Variants in INPP5F observed in about 807,000 individuals in gnomAD.
The protein encoded by INPP5F is phosphatidylinositide 4-phosphatase SAC2.
A neutral mutation model predicts 137.2 loss-of-function variants in INPP5F; 97 were observed. The ratio of observed to expected loss-of-function variants is 0.71; its 90% CI spans 0.60 to 0.84. The LOEUF is 0.84. Ranked by LOEUF, INPP5F falls within the 40% of genes least tolerant of loss-of-function variation. INPP5F has a pLI of 0.00. For synonymous variants in INPP5F, 504 were observed against 476.9 expected (o/e 1.06, Z -0.74); for missense variants, 1,271 against 1,371.9 (o/e 0.93, Z 1.16).
At chr10:119,792,266 T>C in intron 6 of INPP5F, 53 bp downstream of exon 6, 2 of 1,260,144 alleles carry the variant, frequency 1.6e-6, no homozygotes, top group Admixed American at 3.6e-5. Flanking sequence ...GTCTGTTTGT[T>C]TCTAAAACGT....
rs777960121 is a variant in INPP5F, at chr10:119,827,775, AT to A, written c.3397del (p.Ter1133SerfsTer3). Reference sequence around the variant, plus strand: ...ACAATGCCAGACACGGATAATTCAGATTTAGCTTTTAGCCATAAGAATCCTT... The same window carrying A: ...ACAATGCCAGACACGGATAATTCAGATTAGCTTTTAGCCATAAGAATCCTT... The part of the protein sequence containing the change: ...FIQCQTRIIQ[I>X] On this transcript the variant is annotated frameshift_variant, in exon 20 of 20. Transcript: ENST00000650623. LOFTEE classifies it high-confidence loss of function. 3 of 1,594,946 alleles carry A rather than the reference AT, an allele frequency of 1.9e-6. No homozygotes were observed. The highest frequency in any genetic ancestry group is 2.6e-6 in the Non-Finnish European group (3 of 1,171,150).
At chr10:119,824,042 G>T (rs1851668907) in intron 19 of INPP5F, 140 bp downstream of exon 19, 2 of 599,944 alleles carry the variant, frequency 3.3e-6, no homozygotes, top group South Asian at 2.2e-5. Context: ...TCAAATTTCT[G>T]CAGATCAAAA....
chr10:119,779,079 G>T lies in INPP5F; in HGVS notation c.179-2556G>T, dbSNP rs938279227. Among the ~76,000 whole-genome samples the T allele has an allele frequency of 2.6e-5, 4 of 151,962 alleles. No individual in the cohort carries two copies. In the East Asian group the frequency reaches 7.7e-4, roughly 29 times the overall value. The stretch of plus-strand genomic sequence containing the variant: ...AGATAACTAATCTCACTGACTTCTG[G>T]TTCTCTCCTCTTCTTGTTTTTGTAC... On this transcript the variant is annotated intron_variant, in intron 2 of 19. Transcript: ENST00000650623.
intron 2 of INPP5F, among the ~76,000 whole-genome samples, chr10:119,776,757 A>AT (rs979103093): frequency 1.6e-4 from 24 of 147,056 alleles, no homozygotes; most frequent in South Asian, 8.6e-4. Flanking sequence ...TTTCTTGTTT[A>AT]TTTTTTTTTT....
chr10:119,763,258 G>A (rs1156615747), intron 2 of INPP5F, among the ~76,000 whole-genome samples: 1 of 152,212 alleles, frequency 6.6e-6, no homozygotes, highest in East Asian at 1.9e-4. Context: ...CTACCTTCCA[G>A]ACCTGCTGAG....
At chr10:119,792,338 T>C in intron 6 of INPP5F, 125 bp downstream of exon 6, 2 of 711,976 alleles carry the variant, frequency 2.8e-6, no homozygotes, top group Non-Finnish European at 4.6e-6. Flanking sequence ...TAAAGATCAC[T>C]ACGTTTTCCC....
Position 119,748,264 on chromosome 10 carries a change from G to A in INPP5F, c.98-2812G>A, listed in dbSNP as rs541528418. ...GTACCACAAGCAGTTTCTGCTGCAG[G>A]TACTGGGGAATGCAGTGATGCCCGG... On this transcript the variant is annotated intron_variant, in intron 1 of 19. Transcript: ENST00000650623. This position sits in a 1 kb window ranked among gnomAD's most constrained non-coding sequence, Gnocchi z 4.7. 5.9e-5 allele frequency among the ~76,000 whole-genome samples: 9 copies of A among 152,334 alleles called. 1 individual carries two copies. Among genetic ancestry groups the A allele is most frequent in the African/African-American group, 2.2e-4 (9 of 41,566 alleles).
In INPP5F at chr10:119,796,775, C is replaced by G; in HGVS notation, c.730C>G (p.Leu244Val). ...CCAAGGTTTTGTGCAGATTGAAGAA[C>G]TTGTGGTTAATTATACCGAATCATC... Reference protein sequence around the residue: ...MIQGFVQIEELVVNYTESSDD... With the variant: ...MIQGFVQIEEVVVNYTESSDD... Residue 244 changes from leucine to valine, a missense_variant, in exon 7 of 20, where the codon CTT (leucine) becomes GTT (valine). This residue lies in a region of INPP5F where 593 missense variants were observed against 712.4 expected (regional missense o/e 0.83). Transcript: ENST00000650623. 1 of 1,613,528 alleles carries G rather than the reference C, an allele frequency of 6.2e-7. No individual in the cohort carries two copies. The highest frequency in any genetic ancestry group is 8.5e-7 in the Non-Finnish European group (1 of 1,179,834).
chr10:119,779,134 A>T (rs929018453), intron 2 of INPP5F, among the ~76,000 whole-genome samples: 7 of 152,290 alleles, frequency 4.6e-5, no homozygotes, highest in Non-Finnish European at 1.0e-4. Context: ...GTTATGCATC[A>T]CTTAATGAGA....
At chr10:119,731,142 A>C (rs1401700020) in intron 1 of INPP5F, among the ~76,000 whole-genome samples, 2 of 152,064 alleles carry the variant, frequency 1.3e-5, no homozygotes, top group African/African-American at 4.8e-5. Context: ...AAATGTTAAA[A>C]ATTTTTTCTG....
chr10:119,730,532 A>G (rs2134097237), intron 1 of INPP5F, among the ~76,000 whole-genome samples: 1 of 152,356 alleles, frequency 6.6e-6, no homozygotes, highest in Admixed American at 6.5e-5. Flanking sequence ...AAAGAAATAT[A>G]ATACAATCCA....
chr10:119,771,630 C>T (rs1849339458), intron 2 of INPP5F, among the ~76,000 whole-genome samples: 1 of 151,510 alleles, frequency 6.6e-6, no homozygotes, highest in African/African-American at 2.4e-5. Context: ...TCCCAGCCTT[C>T]CCAAGTGTAT....
Position 119,726,358 on chromosome 10 carries a change from CG to C in INPP5F, c.97+1del. 2 of 1,397,466 alleles carry C rather than the reference CG, an allele frequency of 1.4e-6. No homozygotes were observed. The highest frequency in any genetic ancestry group is 1.9e-6 in the Non-Finnish European group (2 of 1,068,368). The allele number at this position is 1,397,466 out of a possible 1,614,324, so 86.6% of individuals were successfully genotyped here. ...GCGACGGCGGCCTCCAGCTCCGACCCGGTGAGGCTGGCGGTGCGGGCGGGGG... is the reference window on the plus strand; with the variant it reads ...GCGACGGCGGCCTCCAGCTCCGACCCGTGAGGCTGGCGGTGCGGGCGGGGG... ...RRDGGLQLRP[A>X]TDLLLAWNPI... is the part of the protein sequence containing the mutation. On this transcript the variant is annotated frameshift_variant and splice_region_variant, in exon 1 of 20. Transcript: ENST00000650623. LOFTEE classifies it high-confidence loss of function.
chr10:119,804,670 A>T (rs959080443), intron 10 of INPP5F, among the ~76,000 whole-genome samples: 11 of 151,208 alleles, frequency 7.3e-5, no homozygotes, highest in African/African-American at 2.7e-4. Flanking sequence ...TCTGGTAGTG[A>T]TACTTCTTTC....
In INPP5F at chr10:119,752,789, A is replaced by G. The variant is rs182021073; in HGVS notation, c.178+1633A>G. On this transcript the variant is annotated intron_variant, in intron 2 of 19. Coordinates refer to ENST00000650623, the MANE Select transcript of INPP5F (RefSeq NM_014937.4). ...GGTTGTATTTTGGGGATTTTATATAAATGATATTAAGTTGTTTTTGTTCTT... is the reference window on the plus strand; with the variant it reads ...GGTTGTATTTTGGGGATTTTATATAGATGATATTAAGTTGTTTTTGTTCTT... 1.9e-3 allele frequency among the ~76,000 whole-genome samples: 293 copies of G among 152,106 alleles called. 1 individual carries two copies. Among genetic ancestry groups the G allele is most frequent in the African/African-American group, 6.8e-3 (281 of 41,542 alleles).
Position 119,791,562 on chromosome 10 carries a change from A to G in INPP5F, c.361A>G (p.Ile121Val), listed in dbSNP as rs1850145453. The part of the protein sequence containing the change: ...HFGINKPEKI[I>V]PSPDDSKFLL... The stretch of plus-strand genomic sequence containing the variant: ...TGGTATTAACAAACCAGAGAAGATC[A>G]TACCATCTCCTGATGACTCAAAGTT... The change falls in exon 4 of 20, where the codon ATA becomes GTA. Residue 121 changes from isoleucine (I) to valine (V), a missense_variant. By Grantham distance (29) the Ile-to-Val change is conservative. Coordinates refer to ENST00000650623, the MANE Select transcript of INPP5F (RefSeq NM_014937.4). 6.2e-7 allele frequency: 1 copy of G among 1,602,242 alleles called. No individual in the cohort carries two copies. Among genetic ancestry groups the G allele is most frequent in the Non-Finnish European group, 8.5e-7 (1 of 1,170,040 alleles).
At chr10:119,728,592 CAAAA>C (rs35708615) in intron 1 of INPP5F, among the ~76,000 whole-genome samples, 1 of 152,132 alleles carries the variant, frequency 6.6e-6, no homozygotes, top group East Asian at 1.9e-4. Flanking sequence ...ATTATAAGCT[CAAAA>C]AAGCTTGTGG....
At chr10:119,728,114 T>C (rs1173736462) in intron 1 of INPP5F, among the ~76,000 whole-genome samples, 9 of 152,348 alleles carry the variant, frequency 5.9e-5, no homozygotes, top group Non-Finnish European at 1.2e-4. Flanking sequence ...AGAAGGCAAA[T>C]TTAAAACTTT....
chr10:119,760,211 C>T (rs980252959), intron 2 of INPP5F, among the ~76,000 whole-genome samples: 8 of 152,188 alleles, frequency 5.3e-5, no homozygotes, highest in African/African-American at 1.9e-4. Flanking sequence ...CCCATTTGTT[C>T]TTAAACTCCA....
Sources: allele counts gnomAD v4.1 joint callset (sites outside exome capture counted in the v4.1 genomes callset), GRCh38; gene constraint gnomAD v4.1.1; regional missense constraint gnomAD v4.1.1; non-coding constraint Gnocchi (gnomAD v3.1); transcripts MANE v1.5; gene names NCBI Gene and HGNC (gene_info 2026-07-23, HGNC 2026-07-21).